Variants in ATPAF1 observed in about 807,000 individuals in gnomAD.
ATPAF1 encodes the protein homolog of yeast ATP11.
Under a neutral mutation model 43.9 loss-of-function variants are expected in ATPAF1, and 26 were observed. That is an observed-to-expected ratio of 0.59 (90% CI 0.43 to 0.82). The LOEUF (loss-of-function observed/expected upper bound fraction) is 0.82. Among genes scored for constraint, ATPAF1 ranks in the 40% least tolerant of loss-of-function variants. The pLI is 0.00. For missense variants in ATPAF1, 366 were observed against 435.0 expected, an observed-to-expected ratio of 0.84 and a Z score of 1.41; for synonymous variants, 157 against 168.0, an observed-to-expected ratio of 0.93 and a Z score of 0.50.
chr1:46,641,088 TA>T (rs1256377847), intron 8 of ATPAF1, among the ~76,000 whole-genome samples: 2 of 152,108 alleles, frequency 1.3e-5, no homozygotes, highest in Non-Finnish European at 2.9e-5. Context: ...TTATTATTAT[TA>T]TTTTTTTAGA....
chr1:46,636,124 C>T (rs188325802), intron 8 of ATPAF1, 154 bp from the exon 9 acceptor site: 373 of 770,908 alleles, frequency 4.8e-4, no homozygotes, highest in Middle Eastern at 1.8e-3. Context: ...TTAGGTGCCC[C>T]TTCTCTGTGT....
intron 2 of ATPAF1, among the ~76,000 whole-genome samples, chr1:46,663,102 G>C (rs1217197521): frequency 1.3e-5 from 2 of 152,168 alleles, no homozygotes; most frequent in African/African-American, 4.8e-5. Flanking sequence ...TCCCTACAAA[G>C]GACATGAACT....
At chr1:46,636,208 T>C (rs905626287) in intron 8 of ATPAF1, 1 of 577,410 alleles carries the variant, frequency 1.7e-6, no homozygotes, top group Non-Finnish European at 3.1e-6. Context: ...TCTTTTTTTG[T>C]CTATTTTCCC....
chr1:46,663,848 T>C (rs531276635), intron 2 of ATPAF1: 1 of 1,231,832 alleles, frequency 8.1e-7, no homozygotes, highest in Non-Finnish European at 1.0e-6. Context: ...TTCAGGCTTC[T>C]GCAGCCCACA....
At chr1:46,654,528 T>TTTA (rs57700546) in intron 4 of ATPAF1, among the ~76,000 whole-genome samples, 8,690 of 135,118 alleles carry the variant, frequency 0.064, 316 homozygotes, top group East Asian at 0.19. Flanking sequence ...TATTTATTTA[T>TTTA]TTATTATTAT....
exon 9 of ATPAF1, chr1:46,635,270 T>A (rs1675816130): frequency 6.5e-6 from 1 of 154,916 alleles, no homozygotes; most frequent in Non-Finnish European, 1.4e-5. Flanking sequence ...GTCTTTAACC[T>A]GATGGGAATA....
At chr1:46,651,955 A>G (rs1426812509) in intron 6 of ATPAF1, among the ~76,000 whole-genome samples, 1 of 152,222 alleles carries the variant, frequency 6.6e-6, no homozygotes, top group East Asian at 1.9e-4. Flanking sequence ...TGGCCATCAG[A>G]GAAATGCAAA....
Position 46,653,857 on chromosome 1 carries a change from T to C in ATPAF1, c.500A>G (p.Gln167Arg), listed in dbSNP as rs201480006. The change falls in exon 5 of 9, where the codon CAA becomes CGA. Residue 167 changes from glutamine to arginine, a missense_variant. Physicochemically the swap from Gln to Arg is conservative, Grantham distance 43 (BLOSUM62 1). Coordinates refer to ENST00000574428, the Ensembl canonical transcript of ATPAF1. This position sits in a 1 kb window ranked among gnomAD's most constrained non-coding sequence, Gnocchi z 4.8. ...GACTGTATCTTTTGCTGCAAAATAT[T>C]GCTGCCAAATCTGTACAAAAAAGAG... 6.2e-7 allele frequency: 1 copy of C among 1,611,430 alleles called. No individual in the cohort carries two copies. Among genetic ancestry groups the C allele is most frequent in the Admixed American group, 1.7e-5 (1 of 59,588 alleles).
intron 2 of ATPAF1, chr1:46,663,847 C>G (rs1197177907): frequency 5.7e-6 from 7 of 1,230,692 alleles, no homozygotes; most frequent in African/African-American, 1.6e-5. Context: ...ATTCAGGCTT[C>G]TGCAGCCCAC....
At chr1:46,640,513 G>A (rs1675930465) in intron 8 of ATPAF1, among the ~76,000 whole-genome samples, 1 of 151,968 alleles carries the variant, frequency 6.6e-6, no homozygotes, top group African/African-American at 2.4e-5. Context: ...AGGAGGCTGA[G>A]GCAGGAGAAC....
intron 6 of ATPAF1, among the ~76,000 whole-genome samples, chr1:46,649,978 A>C (rs1181445048): frequency 6.6e-6 from 1 of 152,136 alleles, no homozygotes; most frequent in Non-Finnish European, 1.5e-5. Context: ...ATCCATGAAC[A>C]TGGTATATAT....
At chr1:46,635,899 G>A (rs776088942) in exon 9 of ATPAF1, 16 of 1,614,216 alleles carry the variant, frequency 9.9e-6, no homozygotes, top group Admixed American at 1.7e-5. Context: ...CCACTAACCC[G>A]TAGGTCTCTT....
At chr1:46,638,357 G>A (rs1414838869) in intron 8 of ATPAF1, among the ~76,000 whole-genome samples, 2 of 152,166 alleles carry the variant, frequency 1.3e-5, no homozygotes, top group Non-Finnish European at 2.9e-5. Context: ...GGTGGCTCAC[G>A]CCTATAATCC....
chr1:46,666,247 T>C, intron 1 of ATPAF1: 2 of 189,914 alleles, frequency 1.1e-5, no homozygotes, highest in South Asian at 1.2e-4. Flanking sequence ...GATGTTTTTC[T>C]TCTCTCTGTA....
At chr1:46,635,928 A>G in exon 9 of ATPAF1, 1 of 1,614,258 alleles carries the variant, frequency 6.2e-7, no homozygotes, top group Non-Finnish European at 8.5e-7. Context: ...GTAGCGTAGA[A>G]GAGCTGAACT....
intron 8 of ATPAF1, among the ~76,000 whole-genome samples, chr1:46,639,393 T>C (rs895053248): frequency 1.3e-5 from 2 of 152,194 alleles, no homozygotes; most frequent in Non-Finnish European, 2.9e-5. Context: ...CTGGGTGTCA[T>C]CTCCAGGAAA....
chr1:46,667,559 G>A (rs1263883591), intron 1 of ATPAF1, among the ~76,000 whole-genome samples: 1 of 152,138 alleles, frequency 6.6e-6, no homozygotes, highest in Non-Finnish European at 1.5e-5. Context: ...CTCCTTAAGA[G>A]GGTTCAATGG....
chr1:46,658,811 C>A, intron 2 of ATPAF1, 74 bp from the exon 3 acceptor site: 2 of 966,808 alleles, frequency 2.1e-6, no homozygotes, highest in Non-Finnish European at 3.0e-6. Flanking sequence ...AGGTGAAGTA[C>A]CCAATCTCAT....
downstream of ATPAF1, chr1:46,633,629 T>C (rs564975414): frequency 2.4e-5 from 10 of 411,848 alleles, no homozygotes; most frequent in African/African-American, 6.4e-5. Context: ...TAAATAAATA[T>C]AAAGAACAGC....
Sources: gnomAD v4.1 joint callset for allele counts (sites outside exome capture counted in the v4.1 genomes callset) on GRCh38, gnomAD v4.1.1 for gene constraint, Gnocchi (gnomAD v3.1) non-coding constraint, MANE v1.5 for transcripts, NCBI Gene and HGNC (gene_info 2026-07-23, HGNC 2026-07-21) for gene names.